CFAP263: variants seen among roughly 807,000 people sequenced by gnomAD.
The protein encoded by CFAP263 is cilia- and flagella-associated protein 263.
the CFAP263 span, among the ~76,000 whole-genome samples, chr16:58,267,165 A>G: frequency 1.3e-5 from 2 of 152,160 alleles, no homozygotes; most frequent in African/African-American, 4.8e-5. Context: ...ACAACCCTAC[A>G]TGGTGACTGG....
At chr16:58,254,248 T>C in the CFAP263 span, 7 of 1,394,462 alleles carry the variant, frequency 5.0e-6, no homozygotes, top group South Asian at 5.0e-5. Context: ...CATGTGATTG[T>C]TGGGGCTTTG....
the CFAP263 span, among the ~76,000 whole-genome samples, chr16:58,258,862 C>T: frequency 1.3e-5 from 2 of 152,056 alleles, no homozygotes; most frequent in African/African-American, 4.8e-5. Context: ...CCTGTAATCC[C>T]AGCTGCTCGG....
the CFAP263 span, chr16:58,281,606 G>A: frequency 0.1 from 15,790 of 152,242 alleles, 909 homozygotes; most frequent in Admixed American, 0.13. Flanking sequence ...ATCTTGGTCC[G>A]AGAAGGGGGT....
At chr16:58,254,035 T>G in the CFAP263 span, 5 of 1,614,056 alleles carry the variant, frequency 3.1e-6, no homozygotes, top group African/African-American at 6.7e-5. Flanking sequence ...CGGACAGGTA[T>G]GGACCGTGGG....
chr16:58,256,874 T>A, the CFAP263 span, among the ~76,000 whole-genome samples: 2 of 152,142 alleles, frequency 1.3e-5, no homozygotes, highest in Non-Finnish European at 2.9e-5. Context: ...CAAGGCAATC[T>A]ATGTTGTAGA....
At chr16:58,251,000 A>C in the CFAP263 span, among the ~76,000 whole-genome samples, 35 of 152,338 alleles carry the variant, frequency 2.3e-4, no homozygotes, top group African/African-American at 8.4e-4. Context: ...TCCATGATGT[A>C]GTTAAGATTA....
chr16:58,251,210 G>A, the CFAP263 span, among the ~76,000 whole-genome samples: 3 of 152,192 alleles, frequency 2.0e-5, no homozygotes, highest in East Asian at 5.8e-4. Flanking sequence ...AGTGGGTAAG[G>A]AAACAAAGAC....
the CFAP263 span, chr16:58,280,876 G>T: frequency 1.1e-6 from 1 of 914,622 alleles, no homozygotes; most frequent in Non-Finnish European, 1.6e-6. Flanking sequence ...ACTGGAAATG[G>T]GGCAAATTAT....
the CFAP263 span, among the ~76,000 whole-genome samples, chr16:58,274,841 G>T: frequency 6.6e-6 from 1 of 152,248 alleles, no homozygotes; most frequent in Non-Finnish European, 1.5e-5. Flanking sequence ...TGGAACTGGG[G>T]TGGGACAGTG....
chr16:58,255,477 C>T, the CFAP263 span, among the ~76,000 whole-genome samples: 390 of 152,280 alleles, frequency 2.6e-3, 3 homozygotes, highest in South Asian at 0.014. Context: ...CTTTACCAGC[C>T]ATCTAGGCAT....
At chr16:58,267,688 C>T in the CFAP263 span, 1 of 690,046 alleles carries the variant, frequency 1.4e-6, no homozygotes, top group South Asian at 1.9e-5. Flanking sequence ...GCTGGTTTAT[C>T]TAGAAAAGCC....
chr16:58,258,218 C>A, the CFAP263 span: 1 of 592,412 alleles, frequency 1.7e-6, no homozygotes, highest in Non-Finnish European at 2.9e-6. Context: ...TTGATATAGT[C>A]AAGTTTGTAT....
the CFAP263 span, among the ~76,000 whole-genome samples, chr16:58,250,966 A>G: frequency 6.6e-6 from 1 of 152,160 alleles, no homozygotes; most frequent in African/African-American, 2.4e-5. Flanking sequence ...ATTCTACTAT[A>G]GCAAGTAAAT....
chr16:58,269,701 A>C, the CFAP263 span, among the ~76,000 whole-genome samples: 1 of 152,134 alleles, frequency 6.6e-6, no homozygotes, highest in Non-Finnish European at 1.5e-5. Context: ...GTGTAGATAG[A>C]CCACATTTTA....
the CFAP263 span, chr16:58,258,569 G>A: frequency 6.4e-7 from 1 of 1,566,302 alleles, no homozygotes; most frequent in East Asian, 2.2e-5. Flanking sequence ...CATTCTTACA[G>A]GGATGTTATG....
At chr16:58,274,363 C>T in the CFAP263 span, among the ~76,000 whole-genome samples, 3 of 152,238 alleles carry the variant, frequency 2.0e-5, no homozygotes, top group African/African-American at 7.2e-5. Flanking sequence ...GCATGAGCTC[C>T]CCATCTCTGT....
At chr16:58,278,311 T>A in the CFAP263 span, among the ~76,000 whole-genome samples, 1 of 152,174 alleles carries the variant, frequency 6.6e-6, no homozygotes, top group Non-Finnish European at 1.5e-5. Flanking sequence ...AAAATATGTT[T>A]GGGAAAAAAA....
At chr16:58,278,765 G>T in the CFAP263 span, 2 of 826,744 alleles carry the variant, frequency 2.4e-6, no homozygotes, top group Non-Finnish European at 3.7e-6. Context: ...CTCAGCAGTT[G>T]CTTTAACTAT....
At chr16:58,277,269 C>T in the CFAP263 span, among the ~76,000 whole-genome samples, 1 of 151,988 alleles carries the variant, frequency 6.6e-6, no homozygotes, top group African/African-American at 2.4e-5. Flanking sequence ...GCTGGGTTTA[C>T]AGGCCTAAGT....
Sources: gnomAD v4.1 joint callset for allele counts (sites outside exome capture counted in the v4.1 genomes callset) on GRCh38, gnomAD v4.1.1 for gene constraint, MANE v1.5 for transcripts, NCBI Gene and HGNC (gene_info 2026-07-23, HGNC 2026-07-21) for gene names.